TARS3: variants seen among roughly 807,000 people sequenced by gnomAD.
TARS3 encodes the protein threonine--tRNA ligase 2, cytoplasmic.
Under a neutral mutation model 103.5 loss-of-function variants are expected in TARS3, and 94 were observed. The observed-to-expected ratio is 0.91, with a 90% CI of 0.77 to 1.08. The LOEUF (loss-of-function observed/expected upper bound fraction) is 1.08, where lower values mean the gene tolerates loss of function less well. Among genes scored for constraint, TARS3 ranks in the 50% least tolerant of loss-of-function variants. The pLI is 0.00. For synonymous variants in TARS3, 416 were observed against 355.4 expected (o/e 1.17, Z -1.92); for missense variants, 952 against 995.2 (o/e 0.96, Z 0.58).
chr15:101,683,558 T>C, intron 12 of TARS3, among the ~76,000 whole-genome samples: 1 of 152,172 alleles, frequency 6.6e-6, no homozygotes, highest in East Asian at 1.9e-4. Context: ...TGTACACACA[T>C]GTGTAAGATG....
intron 18 of TARS3, among the ~76,000 whole-genome samples, chr15:101,655,658 G>A (rs1209384322): frequency 6.8e-6 from 1 of 145,994 alleles, no homozygotes; most frequent in African/African-American, 2.7e-5. Flanking sequence ...TGAGAGCGGG[G>A]AGCTCTTACA....
chr15:101,665,487 A>G (rs1395478604), intron 15 of TARS3, among the ~76,000 whole-genome samples: 1 of 152,240 alleles, frequency 6.6e-6, no homozygotes, highest in African/African-American at 2.4e-5. Context: ...ACCATTTAAA[A>G]TTGTACAGCG....
chr15:101,668,754 A>G (rs758982796), intron 15 of TARS3, among the ~76,000 whole-genome samples: 1 of 152,224 alleles, frequency 6.6e-6, no homozygotes, highest in East Asian at 1.9e-4. Flanking sequence ...GAGCACATAC[A>G]TGACAGTGGT....
intron 15 of TARS3, among the ~76,000 whole-genome samples, chr15:101,663,953 G>A (rs1897479994): frequency 6.6e-6 from 1 of 152,164 alleles, no homozygotes; most frequent in Non-Finnish European, 1.5e-5. Flanking sequence ...CTTTCTGCAT[G>A]CTGAATGTAA....
chr15:101,703,164 A>G (rs1899369099), intron 8 of TARS3, among the ~76,000 whole-genome samples: 1 of 152,244 alleles, frequency 6.6e-6, no homozygotes. Context: ...TGTTTTCTCC[A>G]TTACAACATC....
At chr15:101,697,052 T>TTTATATA (rs1255157103) in intron 10 of TARS3, among the ~76,000 whole-genome samples, 1 of 152,328 alleles carries the variant, frequency 6.6e-6, no homozygotes, top group East Asian at 1.9e-4. Context: ...TGAATATTCA[T>TTTATATA]AGCTCTTCTT....
rs145066956 is a variant in TARS3 at position 101,714,075 on chromosome 15, C to A, written c.690+765G>T. Among the ~76,000 whole-genome samples, 353 of 152,006 alleles carry A rather than the reference C, an allele frequency of 2.3e-3. 3 individuals are homozygous for A. Among genetic ancestry groups the A allele is most frequent in the African/African-American group, 8.0e-3 (331 of 41,470 alleles). On this transcript the variant is annotated intron_variant, in intron 4 of 18. Coordinates refer to ENST00000335968, the MANE Select transcript of TARS3 (RefSeq NM_152334.3). ...TTGAAGGGCGACTGCAACGTTCAGGCGACAACGTATATCAGAAATCATATA... is the reference window on the plus strand; with the variant it reads ...TTGAAGGGCGACTGCAACGTTCAGGAGACAACGTATATCAGAAATCATATA...
chr15:101,697,637 G>A (rs759997412), intron 10 of TARS3, among the ~76,000 whole-genome samples: 24 of 152,118 alleles, frequency 1.6e-4, no homozygotes, highest in Non-Finnish European at 2.9e-4. Flanking sequence ...TTCAGGACAC[G>A]GATCAAATTC....
Position 101,703,842 on chromosome 15 carries a change from A to T in TARS3, c.1074+17T>A, listed in dbSNP as rs1228070705. ...TGCACCTTAAGTTTACTGTATTAAA[A>T]AAAAATCAATCCTTACCTTAAAAAT... On this transcript the variant is annotated intron_variant, in intron 8 of 18. Transcript: ENST00000335968. The T allele has an allele frequency of 1.9e-6, 3 of 1,578,612 alleles. No individual in the cohort carries two copies. The highest frequency in any genetic ancestry group is 2.6e-6 in the Non-Finnish European group (3 of 1,149,002).
intron 8 of TARS3, among the ~76,000 whole-genome samples, chr15:101,703,347 C>T (rs891636159): frequency 6.6e-6 from 1 of 152,104 alleles, no homozygotes; most frequent in South Asian, 2.1e-4. Context: ...CCCAGCACTT[C>T]GGGAGGCTGA....
chr15:101,707,279 A>C (rs756003912), intron 6 of TARS3, among the ~76,000 whole-genome samples: 3 of 152,224 alleles, frequency 2.0e-5, no homozygotes, highest in Non-Finnish European at 4.4e-5. Context: ...CGGTATGGCG[A>C]GTTCTCGAAA....
chr15:101,704,089 C>G lies in TARS3; in HGVS notation c.996-152G>C, dbSNP rs996063783. On this transcript the variant is annotated intron_variant, in intron 7 of 18. Coordinates refer to ENST00000335968, the MANE Select transcript of TARS3 (RefSeq NM_152334.3). ...TTTAGGGTGAAGGAGAGAGGTGATT[C>G]ATCTAGCCTCAGAGTCCACTCTGCC... 147 of 521,492 alleles carry G rather than the reference C, an allele frequency of 2.8e-4. 1 individual carries two copies. The highest frequency in any genetic ancestry group is 2.1e-3 in the Middle Eastern group (5 of 2,400). The allele number at this position is 521,492 out of a possible 1,614,324, so 32.3% of individuals were successfully genotyped here. A position where few individuals can be genotyped will look rare whatever the true frequency, so the allele number is the denominator to read the frequency against.
rs142666381 is a variant in TARS3 at position 101,708,833 on chromosome 15, C to T, written c.890G>A (p.Arg297Lys). The change falls in exon 6 of 19, where the codon AGA becomes AAA. Residue 297 changes from arginine (R) to lysine (K), a missense_variant. This residue lies in a region of TARS3 where 540 missense variants were observed against 631.0 expected (regional missense o/e 0.86). Coordinates refer to ENST00000335968, the MANE Select transcript of TARS3 (RefSeq NM_152334.3). ...AIIKEKQPFERLEVSKEILLE... is the reference protein window; with the variant it reads ...AIIKEKQPFEKLEVSKEILLE... ...GAGGATTTCCTTGCTGACTTCTAGT[C>T]TTTCAAAAGGTTGCTTTTCTTTTAT... 104 of 1,613,862 alleles carry T rather than the reference C, an allele frequency of 6.4e-5. 1 individual carries two copies. The East Asian group carries it at 2.3e-3, about 36-fold the overall frequency.
At chr15:101,692,945 A>G (rs1596309289) in intron 10 of TARS3, among the ~76,000 whole-genome samples, 1 of 152,090 alleles carries the variant, frequency 6.6e-6, no homozygotes, top group East Asian at 1.9e-4. Flanking sequence ...GAGGAAGCAA[A>G]AATTCCCCAA....
rs147941374 is a variant in TARS3, at chr15:101,677,700, G to A, written c.1651-1963C>T. ...TTTAGTAGAGACAGGGTTTCTCCAT[G>A]TTAGTCAGTCTAGTCTCGAACTCCC... is the stretch of plus-strand genomic sequence containing the variant. On this transcript the variant is annotated intron_variant, in intron 12 of 18. Coordinates refer to ENST00000335968, the MANE Select transcript of TARS3 (RefSeq NM_152334.3). Among the ~76,000 whole-genome samples the A allele has an allele frequency of 2.6e-5, 4 of 152,020 alleles. No homozygotes were observed. In the East Asian group the frequency reaches 7.7e-4, roughly 29 times the overall value.
At chr15:101,670,736 C>A (rs1465337321) in intron 15 of TARS3, among the ~76,000 whole-genome samples, 1 of 152,134 alleles carries the variant, frequency 6.6e-6, no homozygotes, top group Non-Finnish European at 1.5e-5. Context: ...TTCATAATCA[C>A]CAAGAACTGG....
intron 12 of TARS3, among the ~76,000 whole-genome samples, chr15:101,675,966 C>T (rs530220514): frequency 3.4e-5 from 5 of 147,176 alleles, no homozygotes; most frequent in African/African-American, 1.1e-4. Context: ...GAAAAGGCAG[C>T]GCCGCGCACA....
rs1271216490 is a variant in TARS3 at position 101,654,039 on chromosome 15, C to T, written c.*543G>A. 6.6e-6 allele frequency: 1 copy of T among 152,488 alleles called. No homozygotes were observed. The highest frequency in any genetic ancestry group is 1.5e-5 in the Non-Finnish European group (1 of 68,300). 9.4% of individuals were successfully genotyped at this position (152,488 alleles called of 1,614,324 possible). ...AACTCTTAACCTATAGTGCAAACAC[C>T]AGATTCCACAAAACTGAATTCCTTT... On this transcript the variant is annotated 3_prime_UTR_variant, in exon 19 of 19. Coordinates refer to ENST00000335968, the MANE Select transcript of TARS3 (RefSeq NM_152334.3).
At chr15:101,687,878 C>T (rs1026596119) in intron 10 of TARS3, among the ~76,000 whole-genome samples, 2 of 152,090 alleles carry the variant, frequency 1.3e-5, no homozygotes, top group African/African-American at 2.4e-5. Flanking sequence ...TCTGAGGTTA[C>T]AAGAAGTCAG....
Sources: allele counts gnomAD v4.1 joint callset (sites outside exome capture counted in the v4.1 genomes callset), GRCh38; gene constraint gnomAD v4.1.1; regional missense constraint gnomAD v4.1.1; transcripts MANE v1.5; gene names NCBI Gene and HGNC (gene_info 2026-07-23, HGNC 2026-07-21).